The following ELFN1 variants were observed in gnomAD, a reference collection of about 807,000 sequenced individuals.
ELFN1 encodes protein ELFN1.
In ELFN1, 6 loss-of-function variants were observed where a neutral mutation model predicts 7.6. The observed-to-expected ratio is 0.79, with a 90% CI of 0.43 to 1.56. ELFN1 has a LOEUF of 1.56. Ranked by LOEUF, ELFN1 falls within the 40% of genes most tolerant of loss-of-function variation. The pLI is 0.01. For synonymous variants in ELFN1, 657 were observed against 588.1 expected (o/e 1.12, Z -1.70); for missense variants, 1,169 against 1,232.2 (o/e 0.95, Z 0.77).
intron 2 of ELFN1, among the ~76,000 whole-genome samples, chr7:1,701,033 G>C (rs1779415988): frequency 6.6e-6 from 1 of 152,084 alleles, no homozygotes; most frequent in South Asian, 2.1e-4. Context: ...CGTGTAGCTT[G>C]TGTTTTAATA....
At chr7:1,679,480 G>A (rs1388393713) in intron 1 of ELFN1, among the ~76,000 whole-genome samples, 1 of 152,170 alleles carries the variant, frequency 6.6e-6, no homozygotes, top group African/African-American at 2.4e-5. Context: ...CCTGCAGGTT[G>A]CTGGCTGAGG....
chr7:1,710,686 G>A (rs568483739), intron 3 of ELFN1, among the ~76,000 whole-genome samples: 5 of 152,324 alleles, frequency 3.3e-5, no homozygotes, highest in African/African-American at 4.8e-5. Context: ...GCCAGTGTTC[G>A]TTTCTCCACG....
At chr7:1,711,917 C>G (rs946397894) in intron 3 of ELFN1, among the ~76,000 whole-genome samples, 68 of 152,360 alleles carry the variant, frequency 4.5e-4, no homozygotes, top group African/African-American at 1.6e-3. Flanking sequence ...GGCCTCCAGA[C>G]TGAGACCCAC....
At chr7:1,680,031 G>A (rs1043608079) in intron 1 of ELFN1, among the ~76,000 whole-genome samples, 4 of 152,190 alleles carry the variant, frequency 2.6e-5, no homozygotes, top group African/African-American at 7.2e-5. Context: ...CCATGAAGTC[G>A]GGACATGGGA....
rs995048602 is a variant in ELFN1 at position 1,695,575 on chromosome 7, G to C, written c.-456+7425G>C. Among the ~76,000 whole-genome samples, 1 of 151,856 alleles carries C rather than the reference G, an allele frequency of 6.6e-6. No individual in the cohort carries two copies. ...AGCCTGGCCAACATGGAGAAACCCC[G>C]TCTCTACTAAAAAATACAAAAATTA... On this transcript the variant is annotated intron_variant, in intron 2 of 3. Transcript: ENST00000424383. The surrounding 1 kb of genome is among the most constrained non-coding windows in gnomAD (Gnocchi z 5.1).
chr7:1,728,877 G>A (rs768437882), intron 3 of ELFN1, among the ~76,000 whole-genome samples: 2 of 152,106 alleles, frequency 1.3e-5, no homozygotes, highest in Admixed American at 6.5e-5. Context: ...AAACACCATC[G>A]CATCTCACTG....
chr7:1,667,598 GA>G (rs952762288), upstream of ELFN1, among the ~76,000 whole-genome samples: 2 of 152,186 alleles, frequency 1.3e-5, no homozygotes, highest in African/African-American at 4.8e-5. This position sits in a 1 kb window ranked among gnomAD's most constrained non-coding sequence, Gnocchi z 8.2. Context: ...GGATCTGGGG[GA>G]CGGGGAATAC....
At chr7:1,715,835 G>C (rs1412659133) in intron 3 of ELFN1, among the ~76,000 whole-genome samples, 1 of 152,162 alleles carries the variant, frequency 6.6e-6, no homozygotes, top group African/African-American at 2.4e-5. Flanking sequence ...GGCTGCCTCC[G>C]GCCCCAGTTT....
intron 3 of ELFN1, among the ~76,000 whole-genome samples, chr7:1,718,166 G>A (rs1779892418): frequency 6.6e-6 from 1 of 152,198 alleles, no homozygotes; most frequent in South Asian, 2.1e-4. Flanking sequence ...CCTTTTAAGG[G>A]AGTCGTTCAC....
chr7:1,717,506 C>T (rs116721960), intron 3 of ELFN1, among the ~76,000 whole-genome samples: 4,352 of 152,254 alleles, frequency 0.029, 217 homozygotes, highest in African/African-American at 0.1. Flanking sequence ...CTGTGTGCTC[C>T]ACTCAGAGGA....
Position 1,746,457 on chromosome 7 carries a change from G to GGCCACAGCCTGCAGCGGC in ELFN1, c.1862_1879dup (p.Arg626_His627insArgHisSerLeuGlnArg), listed in dbSNP as rs1460298316. 6.6e-7 allele frequency: 1 copy of GGCCACAGCCTGCAGCGGC among 1,526,346 alleles called. No individual in the cohort carries two copies. The highest frequency in any genetic ancestry group is 8.8e-7 in the Non-Finnish European group (1 of 1,141,354). The allele number at this position is 1,526,346 out of a possible 1,614,324, so 94.6% of individuals were successfully genotyped here. A position where few individuals can be genotyped will look rare whatever the true frequency, so the allele number is the denominator to read the frequency against. Reference sequence around the variant, plus strand: ...GGCGCCCGGGTACAAGGACGCCTTCGGCCACAGCCTGCAGCGGCACCACAG... The same window carrying GGCCACAGCCTGCAGCGGC: ...GGCGCCCGGGTACAAGGACGCCTTCGGCCACAGCCTGCAGCGGCGCCACAGCCTGCAGCGGCACCACAG... On this transcript the variant is annotated inframe_insertion, in exon 4 of 4. Coordinates refer to ENST00000424383, the MANE Select transcript of ELFN1 (RefSeq NM_001128636.4).
chr7:1,740,575 G>A lies in ELFN1; in HGVS notation c.-293-3729G>A, dbSNP rs1780580331. Among the ~76,000 whole-genome samples, 1 of 152,156 alleles carries A rather than the reference G, an allele frequency of 6.6e-6. No homozygotes were observed. Among genetic ancestry groups the A allele is most frequent in the South Asian group, 2.1e-4 (1 of 4,834 alleles). On this transcript the variant is annotated intron_variant, in intron 3 of 3. Coordinates refer to ENST00000424383, the MANE Select transcript of ELFN1 (RefSeq NM_001128636.4). This position sits in a 1 kb window ranked among gnomAD's most constrained non-coding sequence, Gnocchi z 5.0. ...AGCCCAGCTGGAAAGGGCTTTGGGG[G>A]GGCCTGTGGTCTGTCCAGAACCTTC...
intron 3 of ELFN1, among the ~76,000 whole-genome samples, chr7:1,717,516 A>G (rs1779871159): frequency 6.6e-6 from 1 of 152,114 alleles, no homozygotes; most frequent in African/African-American, 2.4e-5. Context: ...CACTCAGAGG[A>G]AGGTGCCGGG....
At chr7:1,694,690 G>T (rs977675838) in intron 2 of ELFN1, among the ~76,000 whole-genome samples, 1 of 152,180 alleles carries the variant, frequency 6.6e-6, no homozygotes. Context: ...TTGCAGGAGC[G>T]AGGGTATGAG....
intron 3 of ELFN1, among the ~76,000 whole-genome samples, chr7:1,734,656 C>T (rs1271126442): frequency 6.6e-6 from 1 of 152,150 alleles, no homozygotes; most frequent in African/African-American, 2.4e-5. Context: ...CCGGGGCCTG[C>T]CTCTGCATAT....
chr7:1,699,777 C>T lies in ELFN1; in HGVS notation c.-455-9314C>T, dbSNP rs184821834. On this transcript the variant is annotated intron_variant, in intron 2 of 3. Transcript: ENST00000424383. ...GGAGTGCAATGGCATGATCTCTGCTCACTGCAACCTCCGCCTCCCAGGTTC... is the reference window on the plus strand; with the variant it reads ...GGAGTGCAATGGCATGATCTCTGCTTACTGCAACCTCCGCCTCCCAGGTTC... 4.1e-3 allele frequency among the ~76,000 whole-genome samples: 624 copies of T among 152,308 alleles called. 4 individuals are homozygous for T. The highest frequency in any genetic ancestry group is 0.014 in the Middle Eastern group (4 of 294).
Position 1,695,089 on chromosome 7 carries a change from C to T in ELFN1, c.-456+6939C>T, listed in dbSNP as rs1269618312. 2.0e-5 allele frequency among the ~76,000 whole-genome samples: 3 copies of T among 152,212 alleles called. No homozygotes were observed. Among genetic ancestry groups the T allele is most frequent in the African/African-American group, 4.8e-5 (2 of 41,464 alleles). ...TACGCTGCAGACGGCTCCGGATGCA[C>T]GTGGCTGTGCCAGGCAGCAGACGTG... On this transcript the variant is annotated intron_variant, in intron 2 of 3. Transcript: ENST00000424383. The surrounding 1 kb of genome is among the most constrained non-coding windows in gnomAD (Gnocchi z 5.1).
upstream of ELFN1, among the ~76,000 whole-genome samples, chr7:1,669,518 C>A (rs1401007944): frequency 6.6e-6 from 1 of 152,240 alleles, no homozygotes; most frequent in Non-Finnish European, 1.5e-5. Context: ...GCTCTGCCTT[C>A]GACGCGCTGT....
At chr7:1,719,868 C>G (rs964111257) in intron 3 of ELFN1, among the ~76,000 whole-genome samples, 5 of 151,004 alleles carry the variant, frequency 3.3e-5, no homozygotes, top group African/African-American at 1.2e-4. Context: ...GCCCCAGCCA[C>G]TGGCACTCAG....
Sources: gnomAD v4.1 joint callset for allele counts (sites outside exome capture counted in the v4.1 genomes callset) on GRCh38, gnomAD v4.1.1 for gene constraint, Gnocchi (gnomAD v3.1) non-coding constraint, MANE v1.5 for transcripts, NCBI Gene and HGNC (gene_info 2026-07-23, HGNC 2026-07-21) for gene names.